Variants in VGLL4 observed in about 807,000 individuals in gnomAD.
The protein encoded by VGLL4 is vestigial like family member 4, also known as transcription cofactor vestigial-like protein 4.
VGLL4 carries 7 observed loss-of-function variants against 21.0 expected under a neutral mutation model. The observed-to-expected ratio is 0.33, with a 90% confidence interval of 0.19 to 0.63. VGLL4 has a LOEUF of 0.63. Among genes scored for constraint, VGLL4 ranks in the 20% least tolerant of loss-of-function variants. The probability of loss-of-function intolerance (pLI) is 0.78; values close to 1 mark genes in which losing one functional copy is unlikely to be tolerated. For missense variants in VGLL4, 394 were observed against 425.7 expected, an observed-to-expected ratio of 0.93 and a Z score of 0.66; for synonymous variants, 222 against 173.2, an observed-to-expected ratio of 1.28 and a Z score of -2.21.
intron 2 of VGLL4, among the ~76,000 whole-genome samples, chr3:11,683,684 C>T (rs1412811806): frequency 6.6e-6 from 1 of 151,976 alleles, no homozygotes. Flanking sequence ...ATCCCAGCTA[C>T]TCCGGAGGCT....
chr3:11,582,737 C>A (rs892932), intron 2 of VGLL4, among the ~76,000 whole-genome samples: 132,004 of 152,222 alleles, frequency 0.87, 57,424 homozygotes, highest in East Asian at 0.97. Flanking sequence ...TCCGAAGGCA[C>A]GATGCATGCA....
intron 2 of VGLL4, among the ~76,000 whole-genome samples, chr3:11,595,114 T>C (rs1008064285): frequency 1.3e-5 from 2 of 152,122 alleles, no homozygotes; most frequent in African/African-American, 4.8e-5. Flanking sequence ...TGAGCCGAGA[T>C]TGCCTCATTG....
intron 3 of VGLL4, 113 bp downstream of exon 3, chr3:11,564,684 C>A (rs1342670941): frequency 1.5e-6 from 2 of 1,319,798 alleles, no homozygotes; most frequent in Admixed American, 2.2e-5. Flanking sequence ...CTCCCTCCCT[C>A]ACCACCTCCC....
chr3:11,561,608 A>T (rs2073011396), intron 3 of VGLL4, among the ~76,000 whole-genome samples: 1 of 152,066 alleles, frequency 6.6e-6, no homozygotes, highest in Non-Finnish European at 1.5e-5. Flanking sequence ...GGACTCGTCC[A>T]CCTAGAACGG....
intron 1 of VGLL4, among the ~76,000 whole-genome samples, chr3:11,640,777 C>T (rs888343237): frequency 3.3e-5 from 5 of 152,016 alleles, no homozygotes; most frequent in Non-Finnish European, 7.4e-5. Flanking sequence ...ACAAGGTAAA[C>T]GGCTAAAAAG....
At chr3:11,717,176 CT>C (rs778656485) in intron 1 of VGLL4, among the ~76,000 whole-genome samples, 5,066 of 139,640 alleles carry the variant, frequency 0.036, 264 homozygotes, top group African/African-American at 0.12. Flanking sequence ...TATTTTTGTG[CT>C]TTTTTTTTTT....
chr3:11,570,213 G>A (rs527593632), intron 2 of VGLL4, among the ~76,000 whole-genome samples: 147 of 152,054 alleles, frequency 9.7e-4, no homozygotes, highest in African/African-American at 3.2e-3. Context: ...GGCATCAGCC[G>A]CTCAGGGTCG....
At chr3:11,671,704 T>C (rs1007527111) in intron 2 of VGLL4, among the ~76,000 whole-genome samples, 3 of 151,678 alleles carry the variant, frequency 2.0e-5, no homozygotes, top group Admixed American at 1.3e-4. Context: ...TCTGAAGATA[T>C]GTGATCTAAA....
At position 11,568,472 on chromosome 3, in the gene VGLL4, G is replaced by T; in HGVS notation, c.273-3453C>A. 1 of 1,256,264 alleles carries T rather than the reference G, an allele frequency of 8.0e-7. No individual in the cohort carries two copies. Among genetic ancestry groups the T allele is most frequent in the Non-Finnish European group, 1.1e-6 (1 of 890,566 alleles). The allele number at this position is 1,256,264 out of a possible 1,614,324, so 77.8% of individuals were successfully genotyped here. A position where few individuals can be genotyped will look rare whatever the true frequency, so the allele number is the denominator to read the frequency against. On this transcript the variant is annotated intron_variant, in intron 2 of 4. Coordinates refer to ENST00000430365, the MANE Select transcript of VGLL4 (RefSeq NM_001128219.3). This position sits in a 1 kb window ranked among gnomAD's most constrained non-coding sequence, Gnocchi z 5.9. ...GCAGCAGGGAGAAGGGGACTTCCAGGCCCACTAACTGGAAAGACAGTCCGT... is the reference window on the plus strand; with the variant it reads ...GCAGCAGGGAGAAGGGGACTTCCAGTCCCACTAACTGGAAAGACAGTCCGT...
intron 2 of VGLL4, among the ~76,000 whole-genome samples, chr3:11,665,464 C>T (rs1042730749): frequency 2.6e-5 from 4 of 152,190 alleles, no homozygotes; most frequent in African/African-American, 9.7e-5. Flanking sequence ...CCCAACATGC[C>T]TTCATACACC....
chr3:11,632,413 T>A (rs953718209), intron 1 of VGLL4, among the ~76,000 whole-genome samples: 3 of 152,214 alleles, frequency 2.0e-5, no homozygotes, highest in African/African-American at 7.2e-5. Flanking sequence ...TCTTTCTTTT[T>A]AAAAAAGGCT....
At chr3:11,643,940 G>T (rs1258331987), upstream of VGLL4, 1 of 993,476 alleles carries the variant, frequency 1.0e-6, no homozygotes, top group Non-Finnish European at 1.2e-6. Context: ...CTATGCCGCC[G>T]CTTCCTCTTC....
intron 2 of VGLL4, among the ~76,000 whole-genome samples, chr3:11,566,803 C>T (rs1328454748): frequency 1.3e-5 from 2 of 152,208 alleles, no homozygotes; most frequent in Non-Finnish European, 2.9e-5. Flanking sequence ...CGCACCCGCC[C>T]CTCCTCACAC....
intron 1 of VGLL4, among the ~76,000 whole-genome samples, chr3:11,717,684 G>A (rs889382877): frequency 8.6e-5 from 13 of 152,008 alleles, no homozygotes; most frequent in Admixed American, 1.3e-4. Flanking sequence ...TATCATGTCT[G>A]TAAGAAGTGT....
intron 2 of VGLL4, among the ~76,000 whole-genome samples, chr3:11,576,528 T>C (rs1037146045): frequency 1.3e-5 from 2 of 152,194 alleles, no homozygotes; most frequent in African/African-American, 2.4e-5. Flanking sequence ...GACAAAACCC[T>C]GGGAGACACG....
intron 2 of VGLL4, among the ~76,000 whole-genome samples, chr3:11,571,317 C>T (rs1320997257): frequency 6.6e-6 from 1 of 152,158 alleles, no homozygotes; most frequent in Non-Finnish European, 1.5e-5. Context: ...GGGAATGAAA[C>T]CCGAGTGCGA....
chr3:11,558,449 T>TG lies in VGLL4; in HGVS notation c.*106_*107insC. 3 of 1,403,898 alleles carry TG rather than the reference T, an allele frequency of 2.1e-6. No homozygotes were observed. The highest frequency in any genetic ancestry group is 1.4e-5 in the South Asian group (1 of 71,782). 87.0% of individuals were successfully genotyped at this position (1,403,898 alleles called of 1,614,324 possible). A position where few individuals can be genotyped will look rare whatever the true frequency, so the allele number is the denominator to read the frequency against. On this transcript the variant is annotated 3_prime_UTR_variant, in exon 5 of 5. Transcript: ENST00000430365. Reference sequence around the variant, plus strand: ...TGGTTTTTGCAAATAAACCATCCCTTCCCTTCCCCCCACCCCACCCCCATG... The same window carrying TG: ...TGGTTTTTGCAAATAAACCATCCCTTGCCCTTCCCCCCACCCCACCCCCATG...
chr3:11,582,159 C>G, intron 2 of VGLL4: 4 of 1,135,104 alleles, frequency 3.5e-6, no homozygotes, highest in East Asian at 2.6e-5. Flanking sequence ...TAAGCAAAGA[C>G]TACTCTACCT....
chr3:11,626,435 C>T (rs2075353699), intron 1 of VGLL4: 2 of 456,540 alleles, frequency 4.4e-6, no homozygotes, highest in Non-Finnish European at 8.8e-6. Flanking sequence ...CAAAGATAAG[C>T]CCTGGATGGG....
Sources: gnomAD v4.1 joint callset for allele counts (sites outside exome capture counted in the v4.1 genomes callset) on GRCh38, gnomAD v4.1.1 for gene constraint, Gnocchi (gnomAD v3.1) non-coding constraint, MANE v1.5 for transcripts, NCBI Gene and HGNC (gene_info 2026-07-23, HGNC 2026-07-21) for gene names.